STK32C: variants seen among roughly 807,000 people sequenced by gnomAD.
STK32C encodes the protein serine/threonine-protein kinase 32C.
STK32C carries 31 observed loss-of-function variants against 56.5 expected under a neutral mutation model. That is an observed-to-expected ratio of 0.55 (90% confidence interval 0.41 to 0.74). The LOEUF (loss-of-function observed/expected upper bound fraction) is 0.74. Ranked by LOEUF, STK32C falls within the 30% of genes least tolerant of loss-of-function variation. STK32C has a pLI of 0.00. For missense variants in STK32C, 544 were observed against 676.9 expected (o/e 0.80, Z 2.18); for synonymous variants, 309 against 289.4 (o/e 1.07, Z -0.69).
At chr10:132,297,811 C>T (rs1322662851) in intron 1 of STK32C, among the ~76,000 whole-genome samples, 1 of 152,232 alleles carries the variant, frequency 6.6e-6, no homozygotes, top group Non-Finnish European at 1.5e-5. Context: ...GCAGCAGGTG[C>T]ACACCCGCCT....
rs559392548 is a variant in STK32C, at chr10:132,256,384, C to A, written c.263-10429G>T. On this transcript the variant is annotated intron_variant, in intron 1 of 11. Coordinates refer to ENST00000298630, the MANE Select transcript of STK32C (RefSeq NM_173575.4). Reference sequence around the variant, plus strand: ...CAGGCTCAGTGGCAGCTTCCCAGGCCAGCACTGTGGATCCTGGTCCTGTCT... The same window carrying A: ...CAGGCTCAGTGGCAGCTTCCCAGGCAAGCACTGTGGATCCTGGTCCTGTCT... Among the ~76,000 whole-genome samples, 214 of 152,314 alleles carry A rather than the reference C, an allele frequency of 1.4e-3. 1 individual carries two copies. The highest frequency in any genetic ancestry group is 4.7e-3 in the African/African-American group (194 of 41,562).
intron 1 of STK32C, among the ~76,000 whole-genome samples, chr10:132,270,357 T>C (rs2064775378): frequency 6.6e-6 from 1 of 152,242 alleles, no homozygotes; most frequent in African/African-American, 2.4e-5. Flanking sequence ...GGGAAGGTGA[T>C]ACCACAAGTG....
At chr10:132,241,787 C>T (rs1237529870) in intron 2 of STK32C, among the ~76,000 whole-genome samples, 1 of 152,196 alleles carries the variant, frequency 6.6e-6, no homozygotes, top group Admixed American at 6.5e-5. Context: ...CAAGCAGCTC[C>T]AGACCTCAAG....
intron 1 of STK32C, among the ~76,000 whole-genome samples, chr10:132,279,554 G>A (rs1218275556): frequency 1.3e-5 from 2 of 151,996 alleles, no homozygotes; most frequent in Non-Finnish European, 2.9e-5. Flanking sequence ...GAGCACAGGA[G>A]GTCAAGGCTG....
intron 1 of STK32C, among the ~76,000 whole-genome samples, chr10:132,257,817 G>C (rs1452436161): frequency 6.6e-6 from 1 of 151,874 alleles, no homozygotes; most frequent in Non-Finnish European, 1.5e-5. Flanking sequence ...AGCTGCCCTG[G>C]GCTGGGGGCT....
At chr10:132,260,315 C>T (rs571924106) in intron 1 of STK32C, among the ~76,000 whole-genome samples, 1 of 152,256 alleles carries the variant, frequency 6.6e-6, no homozygotes, top group Admixed American at 6.5e-5. Flanking sequence ...TCGCAGGTGT[C>T]CGGCTTGGAG....
intron 1 of STK32C, among the ~76,000 whole-genome samples, chr10:132,289,880 C>T (rs1194966817): frequency 6.6e-6 from 1 of 152,162 alleles, no homozygotes; most frequent in Non-Finnish European, 1.5e-5. Flanking sequence ...ACATTCGGTC[C>T]ACTCCAATGT....
chr10:132,265,180 T>TG (rs2064468048), intron 1 of STK32C, among the ~76,000 whole-genome samples: 1 of 139,388 alleles, frequency 7.2e-6, no homozygotes, highest in African/African-American at 3.0e-5. Flanking sequence ...GAGGTGGCTC[T>TG]GGGGGAGCCG....
intron 1 of STK32C, among the ~76,000 whole-genome samples, chr10:132,249,624 G>T (rs1316494364): frequency 6.6e-6 from 1 of 152,198 alleles, no homozygotes; most frequent in Non-Finnish European, 1.5e-5. Flanking sequence ...CATCGTGGCT[G>T]TCCTCTGGAT....
chr10:132,245,305 G>C (rs899629182), intron 2 of STK32C, among the ~76,000 whole-genome samples: 6 of 152,228 alleles, frequency 3.9e-5, no homozygotes, highest in Non-Finnish European at 5.9e-5. Context: ...GCAGAAGCCG[G>C]AGGGCTAATT....
chr10:132,306,622 C>T (rs1590469059), intron 1 of STK32C, among the ~76,000 whole-genome samples: 2 of 152,242 alleles, frequency 1.3e-5, no homozygotes, highest in East Asian at 1.9e-4. Flanking sequence ...GGCTCCTGAG[C>T]GCTGGGCTCT....
rs932877197 is a variant in STK32C at position 132,230,687 on chromosome 10, G to A, written c.319-2559C>T. Among the ~76,000 whole-genome samples, 76 of 143,332 alleles carry A rather than the reference G, an allele frequency of 5.3e-4. 4 individuals carry two copies. Among genetic ancestry groups the A allele is most frequent in the African/African-American group, 1.4e-3 (54 of 39,424 alleles). The allele number at this position is 143,332 out of a possible 152,430, so 94.0% of individuals were successfully genotyped here. On this transcript the variant is annotated intron_variant, in intron 2 of 11. Transcript: ENST00000298630. Reference sequence around the variant, plus strand: ...GCTGGGGGGGAAGCTGGCGGGGGGGGGGGGGCTGCAGAGCCCACCTCTGCC... The same window carrying A: ...GCTGGGGGGGAAGCTGGCGGGGGGGAGGGGGCTGCAGAGCCCACCTCTGCC...
At chr10:132,230,112 G>A (rs2063038458) in intron 2 of STK32C, among the ~76,000 whole-genome samples, 2 of 151,732 alleles carry the variant, frequency 1.3e-5, no homozygotes, top group South Asian at 4.2e-4. Context: ...CCCGAGAACA[G>A]ACGGAGACTA....
intron 1 of STK32C, among the ~76,000 whole-genome samples, chr10:132,256,096 C>T (rs953785260): frequency 6.6e-6 from 1 of 152,234 alleles, no homozygotes; most frequent in East Asian, 1.9e-4. Flanking sequence ...GGGAACATAC[C>T]CTGTGCCCCA....
intron 1 of STK32C, among the ~76,000 whole-genome samples, chr10:132,314,035 C>A (rs1434744912): frequency 2.0e-5 from 3 of 152,202 alleles, no homozygotes; most frequent in Non-Finnish European, 4.4e-5. Context: ...CCAAGCAGGG[C>A]ATCCATGGAG....
At chr10:132,304,166 A>G (rs530652782) in intron 1 of STK32C, among the ~76,000 whole-genome samples, 3 of 152,266 alleles carry the variant, frequency 2.0e-5, no homozygotes, top group Non-Finnish European at 4.4e-5. Flanking sequence ...GATATTTATA[A>G]AACAGAAACA....
At chr10:132,281,389 T>A (rs933218316) in intron 1 of STK32C, among the ~76,000 whole-genome samples, 13 of 152,172 alleles carry the variant, frequency 8.5e-5, no homozygotes, top group Admixed American at 3.3e-4. Flanking sequence ...AACAAAAGCC[T>A]GTTAAATACA....
chr10:132,267,232 C>T (rs902358698), intron 1 of STK32C, among the ~76,000 whole-genome samples: 2 of 152,234 alleles, frequency 1.3e-5, no homozygotes, highest in African/African-American at 4.8e-5. Flanking sequence ...GTGCAGGTCT[C>T]CTTTTGGGGT....
chr10:132,221,055 T>C (rs895295573), intron 10 of STK32C, among the ~76,000 whole-genome samples: 5 of 152,252 alleles, frequency 3.3e-5, no homozygotes, highest in Admixed American at 1.3e-4. Context: ...TTGCTGTTCT[T>C]CAACCACCTG....
Sources: gnomAD v4.1 joint callset for allele counts (sites outside exome capture counted in the v4.1 genomes callset) on GRCh38, gnomAD v4.1.1 for gene constraint, MANE v1.5 for transcripts, NCBI Gene and HGNC (gene_info 2026-07-23, HGNC 2026-07-21) for gene names.